CLIC5: variants seen among roughly 807,000 people sequenced by gnomAD.
The protein encoded by CLIC5 is CLIC family member 5.
CLIC5 carries 20 observed loss-of-function variants against 24.7 expected under a neutral mutation model. The ratio of observed to expected loss-of-function variants is 0.81; its 90% CI spans 0.57 to 1.18. The LOEUF (loss-of-function observed/expected upper bound fraction) is 1.18, where lower values mean the gene tolerates loss of function less well. Among genes scored for constraint, CLIC5 ranks in the 50% most tolerant of loss-of-function variants. CLIC5 has a pLI of 0.00. For missense variants in CLIC5, 341 were observed against 326.1 expected (o/e 1.05, Z -0.35); for synonymous variants, 159 against 135.6 (o/e 1.17, Z -1.20).
chr6:46,067,795 C>A (rs550886828), intron 1 of CLIC5, among the ~76,000 whole-genome samples: 16 of 152,254 alleles, frequency 1.1e-4, no homozygotes, highest in African/African-American at 3.9e-4. Context: ...TACATAGTCC[C>A]TTGCATCAAG....
intron 1 of CLIC5, among the ~76,000 whole-genome samples, chr6:46,060,041 A>G (rs554204498): frequency 1.3e-5 from 2 of 152,354 alleles, no homozygotes; most frequent in South Asian, 2.1e-4. Context: ...ATGAATATGT[A>G]GTTTTCCCAG....
chr6:45,903,205 G>A lies in CLIC5; in HGVS notation c.639C>T (p.Gly213=). The change falls in exon 6 of 6, where the codon GGC becomes GGT. Residue 213 remains glycine, a synonymous_variant. Transcript: ENST00000339561. ...AGGCGTTCTTGAGGTACCGCCACAG[G>A]CCTGTCATCTCAGCCGGGATATCAT... is the stretch of plus-strand genomic sequence containing the variant. ...RNYDIPAEMT[G]LWRYLKNAYA... The A allele has an allele frequency of 6.2e-7, 1 of 1,612,226 alleles. No homozygotes were observed. The highest frequency in any genetic ancestry group is 1.3e-5 in the African/African-American group (1 of 74,918).
chr6:45,969,288 A>G (rs1765116618), intron 1 of CLIC5, among the ~76,000 whole-genome samples: 1 of 152,192 alleles, frequency 6.6e-6, no homozygotes, highest in Non-Finnish European at 1.5e-5. Context: ...ATCAGGCCAC[A>G]AAGGAAGAAC....
chr6:45,980,239 C>T (rs1021003038), intron 1 of CLIC5, among the ~76,000 whole-genome samples: 1 of 152,064 alleles, frequency 6.6e-6, no homozygotes, highest in African/African-American at 2.4e-5. Context: ...GTTCTTTATC[C>T]TGTTTCACTG....
At chr6:46,110,983 G>GAA in the CLIC5 span, among the ~76,000 whole-genome samples, 1 of 152,138 alleles carries the variant, frequency 6.6e-6, no homozygotes, top group Non-Finnish European at 1.5e-5. Context: ...ACTGGGGAGA[G>GAA]AAAAAATTAT....
At chr6:46,006,001 T>G (rs959826360) in intron 1 of CLIC5, among the ~76,000 whole-genome samples, 15 of 106,992 alleles carry the variant, frequency 1.4e-4, no homozygotes, top group African/African-American at 6.2e-4. Flanking sequence ...TATATATATT[T>G]ATATATATAT....
chr6:46,009,262 C>T (rs985937473), intron 1 of CLIC5, among the ~76,000 whole-genome samples: 11 of 151,944 alleles, frequency 7.2e-5, no homozygotes, highest in East Asian at 1.9e-4. Context: ...GGGAAGAATT[C>T]GTTTCAGTTC....
At chr6:45,893,240 T>G (rs150966311) in intron 6 of CLIC5, among the ~76,000 whole-genome samples, 1 of 150,056 alleles carries the variant, frequency 6.7e-6, no homozygotes, top group Non-Finnish European at 1.5e-5. Flanking sequence ...GTTTTTTTTT[T>G]TTGTTTTAAG....
At position 46,015,654 on chromosome 6, in the gene CLIC5, G is replaced by C. The variant is rs1766977443; in HGVS notation, c.-112C>G. The stretch of plus-strand genomic sequence containing the variant: ...CCCAGCGGGGCTCCTCTTCAGGGCG[G>C]TGTTTAATTTTTCACAAAACCATCT... On this transcript the variant is annotated 5_prime_UTR_variant, in exon 1 of 6. Transcript: ENST00000339561. 2 of 1,327,286 alleles carry C rather than the reference G, an allele frequency of 1.5e-6. No homozygotes were observed. Among genetic ancestry groups the C allele is most frequent in the African/African-American group, 1.5e-5 (1 of 65,298 alleles). The allele number at this position is 1,327,286 out of a possible 1,614,324, so 82.2% of individuals were successfully genotyped here.
At chr6:46,007,453 T>G (rs1159498352) in intron 1 of CLIC5, among the ~76,000 whole-genome samples, 2 of 152,194 alleles carry the variant, frequency 1.3e-5, no homozygotes, top group Non-Finnish European at 2.9e-5. Flanking sequence ...TTCCAAGGCA[T>G]GCACCTAATT....
At chr6:46,083,527 T>C (rs1171772119), upstream of CLIC5, among the ~76,000 whole-genome samples, 1 of 152,106 alleles carries the variant, frequency 6.6e-6, no homozygotes, top group Non-Finnish European at 1.5e-5. Context: ...TTCATTTCAT[T>C]ATGTACCCAG....
chr6:45,977,416 G>T (rs1765420227), intron 1 of CLIC5, among the ~76,000 whole-genome samples: 3 of 151,988 alleles, frequency 2.0e-5, no homozygotes, highest in African/African-American at 7.3e-5. Context: ...CCCCAGATCT[G>T]GAGCCCAGCT....
upstream of CLIC5, chr6:46,015,872 C>G: frequency 9.4e-7 from 1 of 1,063,700 alleles, no homozygotes; most frequent in Non-Finnish European, 1.1e-6. Flanking sequence ...ATCCCGCCGC[C>G]GCCAACGCGC....
chr6:46,058,601 A>G (rs1384056146), intron 1 of CLIC5, among the ~76,000 whole-genome samples: 1 of 152,264 alleles, frequency 6.6e-6, no homozygotes, highest in East Asian at 1.9e-4. Flanking sequence ...CATGGGCACA[A>G]TCTGGAGGGA....
chr6:45,920,471 C>CA (rs1245275717), intron 4 of CLIC5: 6 of 349,990 alleles, frequency 1.7e-5, no homozygotes, highest in Non-Finnish European at 2.0e-5. Context: ...CCAAAGGGTG[C>CA]AAAAAAAGTA....
chr6:46,093,170 T>C, the CLIC5 span, among the ~76,000 whole-genome samples: 1 of 152,158 alleles, frequency 6.6e-6, no homozygotes, highest in African/African-American at 2.4e-5. Flanking sequence ...TTTGTTTTCA[T>C]GTCTGTTGGG....
At chr6:46,024,546 G>A (rs190169414) in intron 1 of CLIC5, among the ~76,000 whole-genome samples, 3 of 152,176 alleles carry the variant, frequency 2.0e-5, no homozygotes, top group Non-Finnish European at 4.4e-5. Flanking sequence ...GAGAAAACAA[G>A]AGCCAAGATA....
intron 1 of CLIC5, among the ~76,000 whole-genome samples, chr6:46,046,628 G>A (rs1404434932): frequency 6.6e-6 from 1 of 152,190 alleles, no homozygotes; most frequent in Non-Finnish European, 1.5e-5. Context: ...TGATGATTTT[G>A]ATAAAGTCCA....
chr6:45,945,680 G>A (rs933333702), intron 3 of CLIC5, among the ~76,000 whole-genome samples: 2 of 152,100 alleles, frequency 1.3e-5, no homozygotes, highest in Non-Finnish European at 2.9e-5. Context: ...ATTTGAACCC[G>A]AGTCACTCTG....
Sources: allele counts gnomAD v4.1 joint callset (sites outside exome capture counted in the v4.1 genomes callset), GRCh38; gene constraint gnomAD v4.1.1; transcripts MANE v1.5; gene names NCBI Gene and HGNC (gene_info 2026-07-23, HGNC 2026-07-21).